The following SIPA1L2 variants were observed in gnomAD, a reference collection of about 807,000 sequenced individuals.
SIPA1L2 encodes signal-induced proliferation-associated 1-like protein 2.
A neutral mutation model predicts 163.9 loss-of-function variants in SIPA1L2; 56 were observed. The ratio of observed to expected loss-of-function variants is 0.34; its 90% CI spans 0.28 to 0.43. SIPA1L2 has a LOEUF of 0.43. Ranked by LOEUF, SIPA1L2 falls within the 20% of genes least tolerant of loss-of-function variation. The pLI, the probability that SIPA1L2 is intolerant of heterozygous loss-of-function variation, is 1.00. For missense variants in SIPA1L2, 1,974 were observed against 2,193.5 expected, an observed-to-expected ratio of 0.90 and a Z score of 2.00; for synonymous variants, 877 against 865.7, an observed-to-expected ratio of 1.01 and a Z score of -0.23.
In SIPA1L2 at chr1:232,460,914, T is replaced by C; in HGVS notation, c.3068A>G (p.Gln1023Arg). The stretch of plus-strand genomic sequence containing the variant: ...TCGGGGCGAGCCGTCATCATGGGGC[T>C]GGATGATGACCACCTTCACAGTCAC... ...TSVTVKVVII[Q>R]PHDDGSPRRG... Residue 1023 changes from glutamine to arginine, a missense_variant, in exon 10 of 23, where the codon CAG (glutamine) becomes CGG (arginine). Physicochemically the swap from Gln to Arg is conservative, Grantham distance 43 (BLOSUM62 1). Around this residue, in one of 3 missense-constraint regions of SIPA1L2, gnomAD observed 1,079 missense variants for 1,150.7 expected, o/e 0.94. Transcript: ENST00000674635. 6.2e-7 allele frequency: 1 copy of C among 1,614,162 alleles called. No individual in the cohort carries two copies. Among genetic ancestry groups the C allele is most frequent in the Non-Finnish European group, 8.5e-7 (1 of 1,179,990 alleles).
chr1:232,527,944 G>T, intron 2 of SIPA1L2, among the ~76,000 whole-genome samples: 1 of 149,966 alleles, frequency 6.7e-6, no homozygotes, highest in Non-Finnish European at 1.5e-5. Context: ...TATGATCATG[G>T]GAAATTACTG....
intron 11 of SIPA1L2, 56 bp downstream of exon 11, chr1:232,445,473 G>C (rs939865915): frequency 1.9e-6 from 3 of 1,608,456 alleles, no homozygotes; most frequent in Non-Finnish European, 2.5e-6. Flanking sequence ...ACAATGTCAA[G>C]TTCTCACCCC....
At chr1:232,458,639 G>A (rs1664058964) in intron 10 of SIPA1L2, among the ~76,000 whole-genome samples, 1 of 152,082 alleles carries the variant, frequency 6.6e-6, no homozygotes, top group Non-Finnish European at 1.5e-5. Flanking sequence ...ACAGATAAAA[G>A]ACTTGATACA....
chr1:232,469,202 A>G (rs1395403337), intron 8 of SIPA1L2, among the ~76,000 whole-genome samples: 1 of 152,204 alleles, frequency 6.6e-6, no homozygotes, highest in Non-Finnish European at 1.5e-5. Flanking sequence ...GCTGCCACTC[A>G]ACACCCGAAA....
rs1660123124 is a variant in SIPA1L2, at chr1:232,397,985, T to A, written c.*1142A>T. 6.6e-6 allele frequency: 1 copy of A among 152,658 alleles called. No homozygotes were observed. The allele number at this position is 152,658 out of a possible 1,614,324, so 9.5% of individuals were successfully genotyped here. A position where few individuals can be genotyped will look rare whatever the true frequency, so the allele number is the denominator to read the frequency against. ...CACCATTTCTTATGTGGACTTCTTT[T>A]AAACATTTATTAAAAAAGCAAAATG... On this transcript the variant is annotated 3_prime_UTR_variant, in exon 23 of 23. Coordinates refer to ENST00000674635, the MANE Select transcript of SIPA1L2 (RefSeq NM_020808.5).
chr1:232,434,863 T>C lies in SIPA1L2; in HGVS notation c.4032-2392A>G, dbSNP rs191338674. 1.7e-4 allele frequency among the ~76,000 whole-genome samples: 26 copies of C among 151,438 alleles called. No homozygotes were observed. In the Admixed American group the frequency reaches 1.7e-3, roughly 10 times the overall value. ...GCCTAAAGACATCATCATACTCCTA[T>C]ATTTCAGCATTCATTTCCCAAGAAT... On this transcript the variant is annotated intron_variant, in intron 15 of 22. Coordinates refer to ENST00000674635, the MANE Select transcript of SIPA1L2 (RefSeq NM_020808.5).
At chr1:232,464,671 A>T (rs1664414319) in intron 9 of SIPA1L2, among the ~76,000 whole-genome samples, 169 bp downstream of exon 9, 1 of 152,222 alleles carries the variant, frequency 6.6e-6, no homozygotes, top group African/African-American at 2.4e-5. Context: ...TCATGTATTC[A>T]ACAACTCCCC....
At chr1:232,568,718 C>T (rs1659543654) in intron 2 of SIPA1L2, among the ~76,000 whole-genome samples, 1 of 152,126 alleles carries the variant, frequency 6.6e-6, no homozygotes, top group Non-Finnish European at 1.5e-5. Context: ...GCAAATCTAA[C>T]ACATTATCTC....
At position 232,441,778 on chromosome 1, in the gene SIPA1L2, G is replaced by C. The variant is rs998363079; in HGVS notation, c.3528C>G (p.Ser1176Arg). The change falls in exon 13 of 23, where the codon AGC (serine) becomes AGG (arginine). Residue 1176 changes from serine to arginine, a missense_variant. This residue lies in a region of SIPA1L2 where 1,079 missense variants were observed against 1,150.7 expected (regional missense o/e 0.94). Coordinates refer to ENST00000674635, the MANE Select transcript of SIPA1L2 (RefSeq NM_020808.5). ...GGAGTTCCTTATTACCCGGGTGCCTGCTTGCTTCCATGGTGTCTTCCCTCT... is the reference window on the plus strand; with the variant it reads ...GGAGTTCCTTATTACCCGGGTGCCTCCTTGCTTCCATGGTGTCTTCCCTCT... ...AREREDTMEA[S>R]RHPETKWHGP... is the part of the protein sequence containing the mutation. 3 of 1,613,878 alleles carry C rather than the reference G, an allele frequency of 1.9e-6. No individual in the cohort carries two copies. In the South Asian group the frequency reaches 3.3e-5, roughly 18 times the overall value.
intron 3 of SIPA1L2, among the ~76,000 whole-genome samples, chr1:232,506,671 A>C (rs2103028247): frequency 6.6e-6 from 1 of 152,320 alleles, no homozygotes; most frequent in South Asian, 2.1e-4. Context: ...ACTAATGATA[A>C]AAATTAGCAC....
At chr1:232,411,571 G>A (rs948831160) in intron 19 of SIPA1L2, among the ~76,000 whole-genome samples, 11 of 150,794 alleles carry the variant, frequency 7.3e-5, no homozygotes, top group Admixed American at 2.6e-4. Flanking sequence ...AAATTGCAGT[G>A]TAATTTCAAT....
At chr1:232,528,275 T>C (rs905190750) in intron 2 of SIPA1L2, among the ~76,000 whole-genome samples, 2 of 151,898 alleles carry the variant, frequency 1.3e-5, no homozygotes, top group Non-Finnish European at 2.9e-5. Flanking sequence ...GACACTTCTC[T>C]CCATTAAACA....
chr1:232,469,239 C>T (rs933422553), intron 8 of SIPA1L2, among the ~76,000 whole-genome samples: 1 of 152,182 alleles, frequency 6.6e-6, no homozygotes, highest in Non-Finnish European at 1.5e-5. Context: ...ACAGCTTTCA[C>T]GGGAGCTTGC....
intron 1 of SIPA1L2, among the ~76,000 whole-genome samples, chr1:232,577,737 G>A (rs752301949): frequency 6.6e-6 from 1 of 152,146 alleles, no homozygotes; most frequent in East Asian, 1.9e-4. Flanking sequence ...TATAATTGGC[G>A]CCTAAAGATC....
intron 12 of SIPA1L2, among the ~76,000 whole-genome samples, chr1:232,443,193 C>G (rs1468089246): frequency 2.6e-5 from 4 of 152,194 alleles, no homozygotes; most frequent in African/African-American, 9.7e-5. Flanking sequence ...TGCGTGGATA[C>G]TATAAAGGGC....
At chr1:232,533,546 G>A (rs1657113620) in intron 2 of SIPA1L2, among the ~76,000 whole-genome samples, 1 of 152,176 alleles carries the variant, frequency 6.6e-6, no homozygotes, top group Non-Finnish European at 1.5e-5. Context: ...TGGATATAAG[G>A]TTTCAGTTGG....
At chr1:232,572,629 TTC>T (rs1262741301) in intron 2 of SIPA1L2, among the ~76,000 whole-genome samples, 1 of 150,322 alleles carries the variant, frequency 6.7e-6, no homozygotes, top group Non-Finnish European at 1.5e-5. Flanking sequence ...TCCAGTGGTA[TTC>T]TGTCACAGTT....
rs76001169 is a variant in SIPA1L2, at chr1:232,579,654, A to C, written c.-318-5432T>G. Reference sequence around the variant, plus strand: ...ACCTAAAAAAGCAGCAATTTCATGCAATCTAATCTAACCTCTGATGCTCCT... The same window carrying C: ...ACCTAAAAAAGCAGCAATTTCATGCCATCTAATCTAACCTCTGATGCTCCT... On this transcript the variant is annotated intron_variant, in intron 1 of 22. Transcript: ENST00000674635. 6.3e-3 allele frequency among the ~76,000 whole-genome samples: 953 copies of C among 152,356 alleles called. 21 individuals are homozygous for C. Among genetic ancestry groups the C allele is most frequent in the Admixed American group, 0.028 (423 of 15,298 alleles).
At chr1:232,531,968 G>C (rs117780363) in intron 2 of SIPA1L2, among the ~76,000 whole-genome samples, 1 of 152,198 alleles carries the variant, frequency 6.6e-6, no homozygotes, top group Non-Finnish European at 1.5e-5. Context: ...AAGGTAGCGG[G>C]CTCAGATCCG....
Sources: gnomAD v4.1 joint callset for allele counts (sites outside exome capture counted in the v4.1 genomes callset) on GRCh38, gnomAD v4.1.1 for gene constraint, gnomAD v4.1.1 regional missense constraint, MANE v1.5 for transcripts, NCBI Gene and HGNC (gene_info 2026-07-23, HGNC 2026-07-21) for gene names.